Variants in NME5 observed in about 807,000 individuals in gnomAD.
The protein encoded by NME5 is NME/NM23 family member 5, also known as nucleoside diphosphate kinase 5.
A neutral mutation model predicts 21.6 loss-of-function variants in NME5; 18 were observed. The observed-to-expected ratio is 0.83, with a 90% CI of 0.58 to 1.24. NME5 has a LOEUF of 1.24. NME5 is among the 50% of genes most tolerant of loss of function. The probability of loss-of-function intolerance (pLI) is 0.00; values close to 1 mark genes in which losing one functional copy is unlikely to be tolerated. For missense variants in NME5, 223 were observed against 255.4 expected (o/e 0.87, Z 0.86); for synonymous variants, 70 against 80.6 (o/e 0.87, Z 0.71).
intron 4 of NME5, chr5:138,127,536 G>A (rs1413008414): frequency 5.1e-6 from 5 of 981,570 alleles, no homozygotes; most frequent in Non-Finnish European, 1.2e-6. Flanking sequence ...GTCATAACAG[G>A]AAAAATAACA....
chr5:138,127,235 G>A (rs1435093018), intron 4 of NME5, among the ~76,000 whole-genome samples: 3 of 152,152 alleles, frequency 2.0e-5, no homozygotes, highest in Non-Finnish European at 4.4e-5. Context: ...GTGGAGAAAA[G>A]TTGTCAGCCC....
intron 4 of NME5, among the ~76,000 whole-genome samples, chr5:138,119,382 G>C (rs895143652): frequency 6.6e-6 from 1 of 151,894 alleles, no homozygotes; most frequent in African/African-American, 2.4e-5. Flanking sequence ...ACGTTGAGTA[G>C]AGGCAGGGTT....
chr5:138,129,620 G>C, intron 2 of NME5, 152 bp from the exon 3 acceptor site: 1 of 638,730 alleles, frequency 1.6e-6, no homozygotes, highest in Non-Finnish European at 2.7e-6. Flanking sequence ...ATAATTAAAT[G>C]TATGCTGTAA....
At chr5:138,127,421 T>A (rs1581381543) in intron 4 of NME5, 3 of 947,366 alleles carry the variant, frequency 3.2e-6, no homozygotes, top group African/African-American at 1.8e-5. Context: ...AGAAAAAAAA[T>A]ATATCAGGAA....
intron 4 of NME5, among the ~76,000 whole-genome samples, chr5:138,121,185 A>G (rs1036100224): frequency 3.3e-5 from 5 of 151,930 alleles, no homozygotes; most frequent in African/African-American, 7.2e-5. Flanking sequence ...ATATATATAT[A>G]TCATTTTTGG....
chr5:138,132,126 G>A (rs929674819), intron 2 of NME5, among the ~76,000 whole-genome samples: 2 of 152,164 alleles, frequency 1.3e-5, no homozygotes, highest in African/African-American at 2.4e-5. Flanking sequence ...CTGGGAGACC[G>A]AGGCAGGCGG....
At chr5:138,125,129 C>T (rs1751369347) in intron 4 of NME5, among the ~76,000 whole-genome samples, 1 of 151,974 alleles carries the variant, frequency 6.6e-6, no homozygotes, top group Non-Finnish European at 1.5e-5. Context: ...GCTATGTTGC[C>T]CAGGCTGGTC....
chr5:138,131,741 T>A (rs1389713539), intron 2 of NME5, among the ~76,000 whole-genome samples: 2 of 151,940 alleles, frequency 1.3e-5, no homozygotes, highest in African/African-American at 2.4e-5. Flanking sequence ...AGTGCTTTTT[T>A]TTTTTTTTAT....
chr5:138,134,025 A>C (rs998367349), intron 2 of NME5, among the ~76,000 whole-genome samples: 1 of 152,228 alleles, frequency 6.6e-6, no homozygotes, highest in Non-Finnish European at 1.5e-5. Context: ...AAAATGAAGG[A>C]TGTACCATGG....
chr5:138,127,311 C>G (rs898991787), intron 4 of NME5: 14 of 327,272 alleles, frequency 4.3e-5, no homozygotes, highest in Non-Finnish European at 5.7e-5. Flanking sequence ...ATCAAGTATT[C>G]AAAATGTGAA....
chr5:138,127,825 T>A, intron 4 of NME5: 1 of 302,938 alleles, frequency 3.3e-6, no homozygotes, highest in Non-Finnish European at 4.9e-6. Flanking sequence ...AGAGAGACTA[T>A]TTTTCTCATG....
At position 138,132,941 on chromosome 5, in the gene NME5, T is replaced by G. The variant is rs554401330; in HGVS notation, c.130-3473A>C. ...GAAACTATGATTATGCGTATTAGCGTTTTTTTTTTTTGTTTTTTCTTGCTG... is the reference window on the plus strand; with the variant it reads ...GAAACTATGATTATGCGTATTAGCGGTTTTTTTTTTTGTTTTTTCTTGCTG... On this transcript the variant is annotated intron_variant, in intron 2 of 5. Coordinates refer to ENST00000265191, the MANE Select transcript of NME5 (RefSeq NM_003551.3). Among the ~76,000 whole-genome samples, 26 of 141,906 alleles carry G rather than the reference T, an allele frequency of 1.8e-4. No homozygotes were observed. The South Asian group carries it at 5.0e-3, about 28-fold the overall frequency. The allele number at this position is 141,906 out of a possible 152,430, so 93.1% of individuals were successfully genotyped here. A position where few individuals can be genotyped will look rare whatever the true frequency, so the allele number is the denominator to read the frequency against.
chr5:138,124,582 G>A (rs559728462), intron 4 of NME5, among the ~76,000 whole-genome samples: 21 of 151,988 alleles, frequency 1.4e-4, no homozygotes, highest in African/African-American at 4.6e-4. Context: ...GTACAGCAGC[G>A]CAAATGCAGC....
chr5:138,121,161 T>C (rs908702517), intron 4 of NME5, among the ~76,000 whole-genome samples: 9 of 147,654 alleles, frequency 6.1e-5, no homozygotes, highest in Non-Finnish European at 1.2e-4. Flanking sequence ...CTCTGTCTCT[T>C]AAAAAAAAAA....
chr5:138,115,944 A>G (rs558357573), intron 5 of NME5, among the ~76,000 whole-genome samples, 180 bp from the exon 6 acceptor site: 3 of 152,350 alleles, frequency 2.0e-5, no homozygotes, highest in East Asian at 1.9e-4. Flanking sequence ...CAAACTGGCA[A>G]GAAAGAAGTA....
intron 2 of NME5, among the ~76,000 whole-genome samples, chr5:138,136,022 G>C (rs1165700527): frequency 6.6e-6 from 1 of 152,126 alleles, no homozygotes; most frequent in Non-Finnish European, 1.5e-5. Flanking sequence ...TTTACAATTA[G>C]TTGCATATTA....
intron 4 of NME5, 146 bp downstream of exon 4, chr5:138,128,333 G>A: frequency 1.6e-6 from 1 of 640,922 alleles, no homozygotes; most frequent in Non-Finnish European, 2.6e-6. Flanking sequence ...GTGGCTTCAA[G>A]TTTTTAAGTA....
At chr5:138,133,387 G>T (rs1401198153) in intron 2 of NME5, among the ~76,000 whole-genome samples, 1 of 152,014 alleles carries the variant, frequency 6.6e-6, no homozygotes, top group Non-Finnish European at 1.5e-5. Flanking sequence ...TTACAGGCGT[G>T]AGCCACCGCG....
intron 2 of NME5, among the ~76,000 whole-genome samples, chr5:138,130,138 C>G (rs896008271): frequency 2.7e-4 from 41 of 152,350 alleles, no homozygotes; most frequent in African/African-American, 6.5e-4. Flanking sequence ...GAAATAACAG[C>G]TAGGCACAGT....
Sources: gnomAD v4.1 joint callset for allele counts (sites outside exome capture counted in the v4.1 genomes callset) on GRCh38, gnomAD v4.1.1 for gene constraint, MANE v1.5 for transcripts, NCBI Gene and HGNC (gene_info 2026-07-23, HGNC 2026-07-21) for gene names.